The following MYRIP variants were observed in gnomAD, a reference collection of about 807,000 sequenced individuals.
MYRIP encodes myosin VIIA and Rab interacting protein.
Under a neutral mutation model 98.0 loss-of-function variants are expected in MYRIP, and 49 were observed. The ratio of observed to expected loss-of-function variants is 0.50; its 90% confidence interval spans 0.40 to 0.63. The LOEUF is 0.63. Among genes scored for constraint, MYRIP ranks in the 30% least tolerant of loss-of-function variants. The pLI is 0.00. For synonymous variants in MYRIP, 404 were observed against 409.5 expected (o/e 0.99, Z 0.16); for missense variants, 1,004 against 1,058.2 (o/e 0.95, Z 0.71).
rs369164773 is a variant in MYRIP, at chr3:40,062,279, G to A, written c.332+18008G>A. Among the ~76,000 whole-genome samples, 140 of 152,132 alleles carry A rather than the reference G, an allele frequency of 9.2e-4. 1 individual carries two copies. Among genetic ancestry groups the A allele is most frequent in the Middle Eastern group, 3.4e-3 (1 of 294 alleles). The stretch of plus-strand genomic sequence containing the variant: ...TCTTGAGCTGATTTTCATATATAGC[G>A]CAAGGAAGGGGTTCAGCTTCAATCT... On this transcript the variant is annotated intron_variant, in intron 3 of 16. Coordinates refer to ENST00000302541, the MANE Select transcript of MYRIP (RefSeq NM_015460.4).
intron 2 of MYRIP, among the ~76,000 whole-genome samples, chr3:40,006,876 T>A (rs567983558): frequency 6.6e-6 from 1 of 152,134 alleles, no homozygotes; most frequent in Non-Finnish European, 1.5e-5. Flanking sequence ...TTATTTTTTT[T>A]AAGAGGCTGG....
chr3:39,962,200 A>C (rs1945339320), intron 2 of MYRIP, among the ~76,000 whole-genome samples: 1 of 152,066 alleles, frequency 6.6e-6, no homozygotes, highest in South Asian at 2.1e-4. Context: ...CTATCTCCAG[A>C]TTGTTATGAA....
chr3:40,137,855 G>A (rs1227272691), intron 3 of MYRIP, among the ~76,000 whole-genome samples: 1 of 152,144 alleles, frequency 6.6e-6, no homozygotes, highest in Non-Finnish European at 1.5e-5. Flanking sequence ...TCTTCCTTCA[G>A]GGGAAGTTTC....
In MYRIP at chr3:40,260,149, ATATT is replaced by A. The variant is rs1953720346; in HGVS notation, c.*1986_*1989del. On this transcript the variant is annotated 3_prime_UTR_variant, in exon 17 of 17. Transcript: ENST00000302541. Reference sequence around the variant, plus strand: ...ATTTTGATCTTTAGTGTCAATATTTATATTTAGATTAATTTTTATAAATGAAAAT... The same window carrying A: ...ATTTTGATCTTTAGTGTCAATATTTATAGATTAATTTTTATAAATGAAAAT... 2 of 152,552 alleles carry A rather than the reference ATATT, an allele frequency of 1.3e-5. No homozygotes were observed. The highest frequency in any genetic ancestry group is 4.8e-5 in the African/African-American group (2 of 41,460). The allele number at this position is 152,552 out of a possible 1,614,324, so 9.4% of individuals were successfully genotyped here.
At chr3:40,256,762 G>A (rs1017364750) in intron 16 of MYRIP, among the ~76,000 whole-genome samples, 5 of 151,498 alleles carry the variant, frequency 3.3e-5, no homozygotes, top group African/African-American at 1.2e-4. Flanking sequence ...AAATGATTTT[G>A]CTGATTTTTT....
intron 11 of MYRIP, among the ~76,000 whole-genome samples, chr3:40,219,069 C>G (rs1417110338): frequency 6.6e-6 from 1 of 151,940 alleles, no homozygotes; most frequent in Non-Finnish European, 1.5e-5. Context: ...AAGAAAGATC[C>G]TTTAAGGAAT....
intron 3 of MYRIP, among the ~76,000 whole-genome samples, chr3:40,090,717 G>A (rs1404645457): frequency 6.6e-6 from 1 of 152,206 alleles, no homozygotes; most frequent in Non-Finnish European, 1.5e-5. Context: ...AAATAAAAGG[G>A]TAGTAAATGC....
chr3:39,954,516 C>G (rs1425255732), intron 2 of MYRIP, among the ~76,000 whole-genome samples: 1 of 152,094 alleles, frequency 6.6e-6, no homozygotes, highest in Non-Finnish European at 1.5e-5. Flanking sequence ...CCCATCTGTA[C>G]GTCACCATCA....
intron 12 of MYRIP, among the ~76,000 whole-genome samples, chr3:40,244,085 C>A (rs1230480662): frequency 6.6e-6 from 1 of 152,140 alleles, no homozygotes; most frequent in Non-Finnish European, 1.5e-5. Flanking sequence ...ATTGTATTGG[C>A]AAAACTCCAT....
intron 2 of MYRIP, among the ~76,000 whole-genome samples, chr3:40,034,964 A>C (rs545958000): frequency 6.6e-6 from 1 of 151,386 alleles, no homozygotes; most frequent in African/African-American, 2.4e-5. Flanking sequence ...TCAGTAAACT[A>C]TCGCACAGAC....
At chr3:40,226,585 A>G (rs1165615344) in intron 11 of MYRIP, among the ~76,000 whole-genome samples, 1 of 152,186 alleles carries the variant, frequency 6.6e-6, no homozygotes, top group African/African-American at 2.4e-5. Flanking sequence ...CCAGCATGTT[A>G]AAAGCCTGGG....
At chr3:40,121,941 G>C (rs1279252704) in intron 3 of MYRIP, among the ~76,000 whole-genome samples, 1 of 152,014 alleles carries the variant, frequency 6.6e-6, no homozygotes, top group African/African-American at 2.4e-5. Flanking sequence ...AATTTTTCTA[G>C]AATATTAAAA....
chr3:40,217,357 T>A (rs1042594753), intron 11 of MYRIP, among the ~76,000 whole-genome samples: 1 of 152,162 alleles, frequency 6.6e-6, no homozygotes, highest in East Asian at 1.9e-4. Flanking sequence ...TTTCTAACTA[T>A]GAATTAAAGT....
At chr3:39,887,837 ATACAAAATCAATG>A (rs1943352485) in intron 1 of MYRIP, among the ~76,000 whole-genome samples, 1 of 152,200 alleles carries the variant, frequency 6.6e-6, no homozygotes, top group Non-Finnish European at 1.5e-5. Context: ...AAGTGTCAGG[ATACAAAATCAATG>A]TACAAAAATC....
intron 2 of MYRIP, among the ~76,000 whole-genome samples, chr3:39,988,667 C>CTT (rs1361472330): frequency 6.6e-6 from 1 of 151,674 alleles, no homozygotes; most frequent in Non-Finnish European, 1.5e-5. Flanking sequence ...TAGGTTTGGT[C>CTT]TTTTTGCATA....
At chr3:39,918,568 G>A (rs1160334459) in intron 2 of MYRIP, among the ~76,000 whole-genome samples, 4 of 152,186 alleles carry the variant, frequency 2.6e-5, no homozygotes, top group Non-Finnish European at 4.4e-5. Flanking sequence ...GGGGCTCAGG[G>A]AAAACTTCCC....
At chr3:39,872,322 A>T (rs1942820682) in intron 1 of MYRIP, among the ~76,000 whole-genome samples, 1 of 151,428 alleles carries the variant, frequency 6.6e-6, no homozygotes, top group South Asian at 2.1e-4. Context: ...AATGGAAAAA[A>T]TGTAAATATT....
intron 2 of MYRIP, among the ~76,000 whole-genome samples, chr3:40,027,076 C>A (rs1191703404): frequency 6.6e-6 from 1 of 152,164 alleles, no homozygotes; most frequent in African/African-American, 2.4e-5. Flanking sequence ...TCCAGGTGTC[C>A]TCTTGGCATT....
intron 1 of MYRIP, among the ~76,000 whole-genome samples, chr3:39,840,432 G>GT (rs1433003185): frequency 1.3e-5 from 2 of 152,150 alleles, no homozygotes; most frequent in Admixed American, 6.5e-5. Flanking sequence ...CAGTTTGCCA[G>GT]TCTGTGTTTT....
Sources: allele counts gnomAD v4.1 joint callset (sites outside exome capture counted in the v4.1 genomes callset), GRCh38; gene constraint gnomAD v4.1.1; transcripts MANE v1.5; gene names NCBI Gene and HGNC (gene_info 2026-07-23, HGNC 2026-07-21).